Variants in ACER3 observed in about 807,000 individuals in gnomAD.
ACER3 encodes the protein alkCDase 3.
In ACER3, 16 loss-of-function variants were observed where a neutral mutation model predicts 48.9. The ratio of observed to expected loss-of-function variants is 0.33; its 90% CI spans 0.22 to 0.50. The LOEUF is 0.50. Among genes scored for constraint, ACER3 ranks in the 20% least tolerant of loss-of-function variants. ACER3 has a pLI of 0.98. For missense variants in ACER3, 227 were observed against 326.0 expected, an observed-to-expected ratio of 0.70 and a Z score of 2.34; for synonymous variants, 109 against 107.8, an observed-to-expected ratio of 1.01 and a Z score of -0.07.
chr11:76,950,564 T>G (rs1280916049), intron 2 of ACER3, among the ~76,000 whole-genome samples: 1 of 151,042 alleles, frequency 6.6e-6, no homozygotes. Flanking sequence ...TAGGTTCAAG[T>G]GATCCTGCCA....
intron 2 of ACER3, among the ~76,000 whole-genome samples, chr11:76,935,519 G>A (rs1019839173): frequency 2.0e-5 from 3 of 152,118 alleles, no homozygotes; most frequent in African/African-American, 7.2e-5. Flanking sequence ...ACAAGGGACC[G>A]AAAATTAGAC....
At chr11:77,009,330 A>G (rs1434142554) in intron 7 of ACER3, among the ~76,000 whole-genome samples, 1 of 152,102 alleles carries the variant, frequency 6.6e-6, no homozygotes, top group Non-Finnish European at 1.5e-5. Flanking sequence ...TTAACCAACC[A>G]TATCTCTTGA....
At chr11:76,865,468 G>A (rs12806029) in intron 1 of ACER3, among the ~76,000 whole-genome samples, 9,316 of 150,592 alleles carry the variant, frequency 0.062, 317 homozygotes, top group Middle Eastern at 0.12. Context: ...ATGCATTTAC[G>A]TTGATAAGTT....
At chr11:77,013,578 C>A (rs1271492742) in intron 7 of ACER3, among the ~76,000 whole-genome samples, 1 of 152,048 alleles carries the variant, frequency 6.6e-6, no homozygotes, top group Non-Finnish European at 1.5e-5. Context: ...GACTTCAAAC[C>A]AAGTGCTGAT....
chr11:76,953,229 G>A (rs890054733), intron 2 of ACER3, among the ~76,000 whole-genome samples: 1 of 152,178 alleles, frequency 6.6e-6, no homozygotes, highest in Non-Finnish European at 1.5e-5. Flanking sequence ...CATTATTTAA[G>A]CTAGCAGTTA....
intron 1 of ACER3, among the ~76,000 whole-genome samples, chr11:76,895,649 C>T (rs1242971484): frequency 6.6e-6 from 1 of 152,160 alleles, no homozygotes; most frequent in Non-Finnish European, 1.5e-5. Context: ...GATTAGGTCA[C>T]TGCTTCTTAA....
chr11:76,921,621 T>G (rs1011285100), intron 1 of ACER3, among the ~76,000 whole-genome samples: 1 of 152,300 alleles, frequency 6.6e-6, no homozygotes, highest in South Asian at 2.1e-4. Context: ...CCAGGTTTGT[T>G]GTTACTCAAG....
At chr11:76,949,730 G>A (rs1391726191) in intron 2 of ACER3, among the ~76,000 whole-genome samples, 2 of 152,140 alleles carry the variant, frequency 1.3e-5, no homozygotes, top group African/African-American at 4.8e-5. Context: ...AAATTGTAGT[G>A]TGTCAGTAAT....
At chr11:76,994,412 G>A (rs899234370) in intron 6 of ACER3, among the ~76,000 whole-genome samples, 1 of 152,184 alleles carries the variant, frequency 6.6e-6, no homozygotes, top group Non-Finnish European at 1.5e-5. Context: ...TTACAGGCGT[G>A]AGCCACCGCA....
At chr11:76,871,771 A>G (rs1030412976) in intron 1 of ACER3, among the ~76,000 whole-genome samples, 1 of 152,190 alleles carries the variant, frequency 6.6e-6, no homozygotes, top group African/African-American at 2.4e-5. Context: ...TAGAATGTAA[A>G]TTTCCTCTAC....
rs2135304400 is a variant in ACER3 at position 77,009,525 on chromosome 11, A to G, written c.498-5491A>G. 2.0e-5 allele frequency among the ~76,000 whole-genome samples: 3 copies of G among 152,304 alleles called. No individual in the cohort carries two copies. The Middle Eastern group carries it at 0.01, about 518-fold the overall frequency. On this transcript the variant is annotated intron_variant, in intron 7 of 10. Transcript: ENST00000532485. ...CAAATGAGTACTTAGATCATGGTCA[A>G]CTGGCCAGGCACAGTGGCTCACACA... is the stretch of plus-strand genomic sequence containing the variant.
intron 7 of ACER3, among the ~76,000 whole-genome samples, chr11:76,999,411 A>T (rs1517910): frequency 0.71 from 107,214 of 150,922 alleles, 38,472 homozygotes; most frequent in Non-Finnish European, 0.77. Flanking sequence ...AACTTTTAGT[A>T]TCTAGATAAC....
chr11:76,898,078 G>T (rs1217564918), intron 1 of ACER3, among the ~76,000 whole-genome samples: 1 of 152,008 alleles, frequency 6.6e-6, no homozygotes. Context: ...TGGTGGAGAA[G>T]AATACAATTA....
At chr11:77,012,805 G>A (rs1294818657) in intron 7 of ACER3, among the ~76,000 whole-genome samples, 3 of 152,154 alleles carry the variant, frequency 2.0e-5, no homozygotes, top group Admixed American at 1.3e-4. Flanking sequence ...ACATTAACAT[G>A]GGCATGCAAA....
chr11:76,935,288 G>C (rs1169870491), intron 2 of ACER3, among the ~76,000 whole-genome samples: 1 of 152,100 alleles, frequency 6.6e-6, no homozygotes, highest in Non-Finnish European at 1.5e-5. Context: ...GGAGTCCCTA[G>C]GTGGCATGGG....
chr11:76,882,944 T>A (rs1283345038), intron 1 of ACER3, among the ~76,000 whole-genome samples: 1 of 152,212 alleles, frequency 6.6e-6, no homozygotes, highest in East Asian at 1.9e-4. Context: ...ATCCCTTCTT[T>A]GTTTTCCCTT....
At chr11:76,904,498 T>C (rs1946166825) in intron 1 of ACER3, among the ~76,000 whole-genome samples, 1 of 152,218 alleles carries the variant, frequency 6.6e-6, no homozygotes, top group South Asian at 2.1e-4. Flanking sequence ...TGTCTTTGAC[T>C]GTACCCTCTG....
At chr11:76,869,527 G>A (rs182445333) in intron 1 of ACER3, among the ~76,000 whole-genome samples, 1 of 152,120 alleles carries the variant, frequency 6.6e-6, no homozygotes, top group Non-Finnish European at 1.5e-5. Flanking sequence ...CATTTTAAAT[G>A]TACATACAGT....
intron 5 of ACER3, among the ~76,000 whole-genome samples, chr11:76,986,271 CATTCTGTTAGAG>C: frequency 6.6e-6 from 1 of 152,260 alleles, no homozygotes; most frequent in South Asian, 2.1e-4. Context: ...GTGAGGAGCT[CATTCTGTTAGAG>C]ATTTTAGACA....
Sources: allele counts gnomAD v4.1 joint callset (sites outside exome capture counted in the v4.1 genomes callset), GRCh38; gene constraint gnomAD v4.1.1; transcripts MANE v1.5; gene names NCBI Gene and HGNC (gene_info 2026-07-23, HGNC 2026-07-21).